Variants in EPHB1 observed in about 807,000 individuals in gnomAD.
The protein encoded by EPHB1 is EPH receptor B1, also known as ephrin type-B receptor 1.
EPHB1 carries 30 observed loss-of-function variants against 94.4 expected under a neutral mutation model. The ratio of observed to expected loss-of-function variants is 0.32; its 90% CI spans 0.24 to 0.43. EPHB1 has a LOEUF of 0.43. EPHB1 is among the 20% of genes least tolerant of loss of function. The pLI is 1.00. For synonymous variants in EPHB1, 522 were observed against 489.1 expected (o/e 1.07, Z -0.89); for missense variants, 1,055 against 1,308.3 (o/e 0.81, Z 2.99).
chr3:135,191,230 C>T (rs1942448586), intron 10 of EPHB1, among the ~76,000 whole-genome samples: 1 of 152,126 alleles, frequency 6.6e-6, no homozygotes, highest in Non-Finnish European at 1.5e-5. Flanking sequence ...AGTATTAGGT[C>T]CATGTTGAAA....
In EPHB1 at chr3:134,984,701, G is replaced by C. The variant is rs549794986; in HGVS notation, c.805+32649G>C. On this transcript the variant is annotated intron_variant, in intron 3 of 15. Coordinates refer to ENST00000398015, the MANE Select transcript of EPHB1 (RefSeq NM_004441.5). ...AAGGAGGTCAGAGCTCCCAGCCTAGGAACTTGCACTGAGCCATCCTTGCCA... is the reference window on the plus strand; with the variant it reads ...AAGGAGGTCAGAGCTCCCAGCCTAGCAACTTGCACTGAGCCATCCTTGCCA... Among the ~76,000 whole-genome samples, 17 of 152,294 alleles carry C rather than the reference G, an allele frequency of 1.1e-4. 1 individual carries two copies. The South Asian group carries it at 3.5e-3, about 32-fold the overall frequency.
intron 4 of EPHB1, among the ~76,000 whole-genome samples, chr3:135,124,503 T>A (rs1206523530): frequency 6.6e-6 from 1 of 151,778 alleles, no homozygotes; most frequent in Non-Finnish European, 1.5e-5. Context: ...AGAGAAGCCA[T>A]CCTAAGTGAC....
At chr3:134,899,112 A>G (rs139099144) in intron 1 of EPHB1, among the ~76,000 whole-genome samples, 1 of 152,192 alleles carries the variant, frequency 6.6e-6, no homozygotes, top group South Asian at 2.1e-4. Flanking sequence ...TGTGGGGTGG[A>G]GGAGGAGACA....
chr3:134,923,596 C>T (rs1195544017), intron 1 of EPHB1, among the ~76,000 whole-genome samples: 1 of 152,182 alleles, frequency 6.6e-6, no homozygotes, highest in Non-Finnish European at 1.5e-5. Flanking sequence ...TGGACAGGCT[C>T]TCAGCATTTC....
At position 134,884,186 on chromosome 3, in the gene EPHB1, A is replaced by G. The variant is rs144396198; in HGVS notation, c.59-41630A>G. 2.6e-4 allele frequency among the ~76,000 whole-genome samples: 39 copies of G among 152,312 alleles called. 1 individual carries two copies. The East Asian group carries it at 7.5e-3, about 29-fold the overall frequency. On this transcript the variant is annotated intron_variant, in intron 1 of 15. Coordinates refer to ENST00000398015, the MANE Select transcript of EPHB1 (RefSeq NM_004441.5). ...TCCAAGCAGCACTCCAGTGTGAGTC[A>G]CCACTGGCTGAGTCCCATGTGCTAA...
At chr3:135,114,851 T>G (rs185573716) in intron 4 of EPHB1, among the ~76,000 whole-genome samples, 33 of 152,266 alleles carry the variant, frequency 2.2e-4, no homozygotes, top group Non-Finnish European at 4.0e-4. Flanking sequence ...CTACCCTACT[T>G]TGATGTAATT....
At chr3:135,258,766 A>C (rs2107736177) in intron 15 of EPHB1, among the ~76,000 whole-genome samples, 1 of 152,334 alleles carries the variant, frequency 6.6e-6, no homozygotes, top group East Asian at 1.9e-4. Context: ...TACATAAGGA[A>C]CACACCCCTG....
intron 1 of EPHB1, among the ~76,000 whole-genome samples, chr3:134,805,818 C>T (rs1445689534): frequency 6.6e-6 from 1 of 152,170 alleles, no homozygotes; most frequent in African/African-American, 2.4e-5. Flanking sequence ...AAGGCTTTCT[C>T]CTGTCCCACA....
In EPHB1 at chr3:134,988,156, C is replaced by T. The variant is rs538154985; in HGVS notation, c.805+36104C>T. ...GTTGAGATGGGAGGAAGGCCCAAGT[C>T]CTTGATCTCCTGTCTGAGCCAGTAG... On this transcript the variant is annotated intron_variant, in intron 3 of 15. Transcript: ENST00000398015. Among the ~76,000 whole-genome samples the T allele has an allele frequency of 7.4e-4, 112 of 152,288 alleles. 1 individual carries two copies. Among genetic ancestry groups the T allele is most frequent in the Admixed American group, 9.2e-4 (14 of 15,290 alleles).
At chr3:135,257,989 A>T (rs1283610506) in intron 15 of EPHB1, among the ~76,000 whole-genome samples, 1 of 152,072 alleles carries the variant, frequency 6.6e-6, no homozygotes, top group East Asian at 1.9e-4. Flanking sequence ...GGTGCCGTCC[A>T]TCACCCTTTT....
intron 3 of EPHB1, among the ~76,000 whole-genome samples, chr3:135,020,661 T>C (rs1935958736): frequency 1.3e-5 from 2 of 152,252 alleles, no homozygotes; most frequent in African/African-American, 4.8e-5. Context: ...ATGTATTGAC[T>C]GTTTCAAGCT....
Position 134,860,535 on chromosome 3 carries a change from C to T in EPHB1, c.58+64846C>T, listed in dbSNP as rs573370741. ...TACACTTTAAAAAAAGATTTCTTGGCCGGGCGCGATGGCTCACGCCTGTAA... is the reference window on the plus strand; with the variant it reads ...TACACTTTAAAAAAAGATTTCTTGGTCGGGCGCGATGGCTCACGCCTGTAA... On this transcript the variant is annotated intron_variant, in intron 1 of 15. Coordinates refer to ENST00000398015, the MANE Select transcript of EPHB1 (RefSeq NM_004441.5). 1.3e-3 allele frequency among the ~76,000 whole-genome samples: 191 copies of T among 152,282 alleles called. No homozygotes were observed. In the South Asian group the frequency reaches 0.013, roughly 10 times the overall value.
chr3:134,926,449 A>G lies in EPHB1; in HGVS notation c.123+569A>G, dbSNP rs148652953. Among the ~76,000 whole-genome samples the G allele has an allele frequency of 5.3e-5, 8 of 152,324 alleles. No homozygotes were observed. In the East Asian group the frequency reaches 1.5e-3, roughly 29 times the overall value. On this transcript the variant is annotated intron_variant, in intron 2 of 15. Transcript: ENST00000398015. ...GGAATGAGAAACCATGAGGTTAGAC[A>G]AGAAGCCTTTACAGACAAGGTGTGA... is the stretch of plus-strand genomic sequence containing the variant.
At chr3:135,054,196 A>C (rs1007882113) in intron 3 of EPHB1, among the ~76,000 whole-genome samples, 9 of 152,044 alleles carry the variant, frequency 5.9e-5, no homozygotes, top group Non-Finnish European at 1.2e-4. Context: ...GAAAGCCTCA[A>C]ATTAAGTTAC....
chr3:135,243,746 C>T (rs146132307), intron 13 of EPHB1, among the ~76,000 whole-genome samples: 23 of 152,186 alleles, frequency 1.5e-4, no homozygotes, highest in African/African-American at 3.9e-4. Flanking sequence ...GTTGGAGTGC[C>T]GGTAATTAGG....
chr3:135,075,507 G>C (rs2107784090), intron 3 of EPHB1, among the ~76,000 whole-genome samples: 1 of 152,248 alleles, frequency 6.6e-6, no homozygotes, highest in South Asian at 2.1e-4. Context: ...CCATGGACCT[G>C]CTGAGGTATC....
chr3:135,233,848 C>A (rs568301985), intron 12 of EPHB1, among the ~76,000 whole-genome samples: 7 of 152,198 alleles, frequency 4.6e-5, no homozygotes, highest in Admixed American at 4.6e-4. Flanking sequence ...GGGACTTGCA[C>A]CCTCTGAAGC....
chr3:135,123,151 C>T (rs866415641), intron 4 of EPHB1, among the ~76,000 whole-genome samples: 1 of 152,264 alleles, frequency 6.6e-6, no homozygotes. Flanking sequence ...TTGGAACCTG[C>T]CAGCCCTGCA....
At chr3:135,163,776 G>A (rs1054573104) in intron 7 of EPHB1, among the ~76,000 whole-genome samples, 6 of 152,216 alleles carry the variant, frequency 3.9e-5, no homozygotes, top group Non-Finnish European at 7.3e-5. Context: ...AAGAGGGGCT[G>A]GTTGTAAGAG....
Sources: allele counts gnomAD v4.1 joint callset (sites outside exome capture counted in the v4.1 genomes callset), GRCh38; gene constraint gnomAD v4.1.1; transcripts MANE v1.5; gene names NCBI Gene and HGNC (gene_info 2026-07-23, HGNC 2026-07-21).